PLCB1: variants seen among roughly 807,000 people sequenced by gnomAD.
PLCB1 encodes phospholipase C beta 1.
A neutral mutation model predicts 161.8 loss-of-function variants in PLCB1; 46 were observed. That is an observed-to-expected ratio of 0.28 (90% CI 0.22 to 0.36). The LOEUF is 0.36. PLCB1 is among the 10% of genes least tolerant of loss of function. PLCB1 has a pLI of 1.00. For missense variants in PLCB1, 1,016 were observed against 1,472.5 expected, an observed-to-expected ratio of 0.69 and a Z score of 5.07; for synonymous variants, 517 against 503.7, an observed-to-expected ratio of 1.03 and a Z score of -0.35.
intron 1 of PLCB1, among the ~76,000 whole-genome samples, chr20:8,139,660 A>G (rs2051383744): frequency 6.6e-6 from 1 of 152,214 alleles, no homozygotes; most frequent in Non-Finnish European, 1.5e-5. Flanking sequence ...TCCATTTTAT[A>G]GAAGAAGCCA....
chr20:8,461,222 T>C (rs1382169940), intron 3 of PLCB1, among the ~76,000 whole-genome samples: 1 of 152,156 alleles, frequency 6.6e-6, no homozygotes, highest in Non-Finnish European at 1.5e-5. Flanking sequence ...GAATCTTGCA[T>C]AGGGCCAAGA....
chr20:8,366,150 T>G (rs1986705097), intron 2 of PLCB1, among the ~76,000 whole-genome samples: 1 of 152,162 alleles, frequency 6.6e-6, no homozygotes, highest in Non-Finnish European at 1.5e-5. Context: ...TAATGGGTTT[T>G]GAGTATTTTG....
At chr20:8,765,883 T>C (rs769389203) in intron 26 of PLCB1, among the ~76,000 whole-genome samples, 1 of 152,184 alleles carries the variant, frequency 6.6e-6, no homozygotes, top group South Asian at 2.1e-4. Context: ...TTTCACCAGG[T>C]TGCCCAGCTG....
chr20:8,843,471 G>A (rs1600375674), intron 31 of PLCB1, among the ~76,000 whole-genome samples: 1 of 152,252 alleles, frequency 6.6e-6, no homozygotes, highest in African/African-American at 2.4e-5. Flanking sequence ...GTAATTTGAT[G>A]CAGTGGTATC....
chr20:8,329,999 G>A (rs1365767167), intron 2 of PLCB1, among the ~76,000 whole-genome samples: 1 of 152,166 alleles, frequency 6.6e-6, no homozygotes. Flanking sequence ...TTGAAAATAG[G>A]AGAAAATAGG....
intron 2 of PLCB1, among the ~76,000 whole-genome samples, chr20:8,358,342 G>T (rs938631401): frequency 6.6e-6 from 1 of 151,988 alleles, no homozygotes; most frequent in Non-Finnish European, 1.5e-5. Context: ...TCCGCCTCCC[G>T]GGTTCGAGCG....
chr20:8,726,114 G>A (rs867943860), intron 16 of PLCB1, among the ~76,000 whole-genome samples: 3 of 152,036 alleles, frequency 2.0e-5, no homozygotes, highest in Admixed American at 6.6e-5. Context: ...TTTTAATTTC[G>A]AAAGAGAGGT....
chr20:8,699,024 G>A (rs1410040536), intron 11 of PLCB1, among the ~76,000 whole-genome samples: 1 of 152,180 alleles, frequency 6.6e-6, no homozygotes, highest in Non-Finnish European at 1.5e-5. Flanking sequence ...TGGAGTAGGG[G>A]AAATCTGGGG....
chr20:8,464,171 T>C (rs1161867912), intron 3 of PLCB1, among the ~76,000 whole-genome samples: 1 of 152,210 alleles, frequency 6.6e-6, no homozygotes, highest in Non-Finnish European at 1.5e-5. Flanking sequence ...ATGGCAATTG[T>C]TATTCCTCTG....
At chr20:8,653,801 A>G (rs771162120) in intron 7 of PLCB1, among the ~76,000 whole-genome samples, 1 of 152,068 alleles carries the variant, frequency 6.6e-6, no homozygotes, top group Non-Finnish European at 1.5e-5. Context: ...GTATAGAATT[A>G]AGCAACTCAG....
intron 3 of PLCB1, among the ~76,000 whole-genome samples, chr20:8,627,741 T>G (rs1164776253): frequency 6.6e-6 from 1 of 152,210 alleles, no homozygotes; most frequent in East Asian, 1.9e-4. Flanking sequence ...CAAATCCCAG[T>G]ACATTCCGAG....
intron 23 of PLCB1, among the ~76,000 whole-genome samples, chr20:8,752,877 C>G (rs1981553819): frequency 6.6e-6 from 1 of 151,730 alleles, no homozygotes; most frequent in African/African-American, 2.4e-5. Context: ...TCTTACTTAA[C>G]TCAGGCATCC....
At chr20:8,774,310 T>C (rs1982836729) in intron 26 of PLCB1, among the ~76,000 whole-genome samples, 1 of 152,236 alleles carries the variant, frequency 6.6e-6, no homozygotes, top group South Asian at 2.1e-4. Context: ...TTGCTTTTCT[T>C]TCTGCCCCTG....
chr20:8,175,294 A>C (rs1435948049), intron 2 of PLCB1, among the ~76,000 whole-genome samples: 2 of 152,170 alleles, frequency 1.3e-5, no homozygotes, highest in East Asian at 1.9e-4. Flanking sequence ...CTAATATGTG[A>C]ATAAATACCT....
intron 26 of PLCB1, among the ~76,000 whole-genome samples, chr20:8,765,794 T>A (rs1982284318): frequency 1.3e-5 from 2 of 152,072 alleles, no homozygotes; most frequent in African/African-American, 4.8e-5. Context: ...TTTAAGTGAT[T>A]CTTGTGCCTC....
intron 4 of PLCB1, among the ~76,000 whole-genome samples, chr20:8,637,797 T>C (rs974303252): frequency 7.9e-5 from 12 of 152,340 alleles, no homozygotes; most frequent in Middle Eastern, 6.8e-3. Flanking sequence ...TCATGTAAAT[T>C]TTTATTATAT....
intron 23 of PLCB1, among the ~76,000 whole-genome samples, chr20:8,743,488 G>A (rs1357067137): frequency 6.6e-6 from 1 of 152,046 alleles, no homozygotes; most frequent in Non-Finnish European, 1.5e-5. Context: ...AGCACCCTGT[G>A]GGATCAGTCT....
At chr20:8,878,328 A>C (rs1308477682) in intron 31 of PLCB1, among the ~76,000 whole-genome samples, 1 of 152,178 alleles carries the variant, frequency 6.6e-6, no homozygotes, top group Non-Finnish European at 1.5e-5. Flanking sequence ...ATTGATGATG[A>C]GGTCTGAATG....
At chr20:8,618,606 A>T (rs56660363) in intron 3 of PLCB1, among the ~76,000 whole-genome samples, 12,211 of 152,144 alleles carry the variant, frequency 0.08, 1,147 homozygotes, top group African/African-American at 0.23. Flanking sequence ...CTCACAAGAC[A>T]ATTTTTTTCT....
Sources: gnomAD v4.1 joint callset for allele counts (sites outside exome capture counted in the v4.1 genomes callset) on GRCh38, gnomAD v4.1.1 for gene constraint, MANE v1.5 for transcripts, NCBI Gene and HGNC (gene_info 2026-07-23, HGNC 2026-07-21) for gene names.